ZNF292: variants seen among roughly 807,000 people sequenced by gnomAD.
ZNF292 encodes 16 zinc-finger domain protein.
A neutral mutation model predicts 217.9 loss-of-function variants in ZNF292; 26 were observed. That is an observed-to-expected ratio of 0.12 (90% CI 0.09 to 0.17). ZNF292 has a LOEUF of 0.17. ZNF292 is among the 10% of genes least tolerant of loss of function. ZNF292 has a pLI of 1.00. For synonymous variants in ZNF292, 1,257 were observed against 1,124.1 expected, an observed-to-expected ratio of 1.12 and a Z score of -2.37; for missense variants, 2,904 against 3,175.2, an observed-to-expected ratio of 0.91 and a Z score of 2.05.
chr6:87,194,144 C>G (rs759936815), intron 1 of ZNF292, among the ~76,000 whole-genome samples: 1 of 151,974 alleles, frequency 6.6e-6, no homozygotes, highest in African/African-American at 2.4e-5. Flanking sequence ...GCACAGCTAT[C>G]AGAATGAATT....
At chr6:87,247,293 G>GTGCATGCATGCATGCGTGCA (rs1774650739) in intron 7 of ZNF292, among the ~76,000 whole-genome samples, 1 of 149,140 alleles carries the variant, frequency 6.7e-6, no homozygotes, top group African/African-American at 2.5e-5. Flanking sequence ...GCGCACGCAC[G>GTGCATGCATGCATGCGTGCA]TGCATGCATG....
At chr6:87,239,552 C>G (rs567768702) in intron 5 of ZNF292, among the ~76,000 whole-genome samples, 6 of 78,482 alleles carry the variant, frequency 7.6e-5, no homozygotes, top group Admixed American at 3.5e-4. Context: ...ACCTCCCGGA[C>G]AGGGCGGCTG....
chr6:87,225,570 T>G (rs1167545313), intron 4 of ZNF292, among the ~76,000 whole-genome samples: 1 of 152,214 alleles, frequency 6.6e-6, no homozygotes, highest in African/African-American at 2.4e-5. Flanking sequence ...TTATGTTTAG[T>G]GAATTCATCT....
At chr6:87,185,111 C>T (rs1040922132) in intron 1 of ZNF292, among the ~76,000 whole-genome samples, 1 of 152,136 alleles carries the variant, frequency 6.6e-6, no homozygotes, top group African/African-American at 2.4e-5. Flanking sequence ...AAAATTAAGT[C>T]CATAAGTCTA....
At chr6:87,241,066 C>T (rs969704450) in intron 5 of ZNF292, among the ~76,000 whole-genome samples, 1 of 152,256 alleles carries the variant, frequency 6.6e-6, no homozygotes, top group East Asian at 1.9e-4. Flanking sequence ...AGGTGGATCA[C>T]GAGGTCAGGA....
intron 1 of ZNF292, among the ~76,000 whole-genome samples, chr6:87,193,395 T>G (rs1455141363): frequency 6.6e-6 from 1 of 151,836 alleles, no homozygotes; most frequent in Non-Finnish European, 1.5e-5. Flanking sequence ...AATTCAAAAA[T>G]TAGCCAGGCA....
chr6:87,239,290 C>T (rs556976104), intron 5 of ZNF292, among the ~76,000 whole-genome samples: 6 of 151,252 alleles, frequency 4.0e-5, no homozygotes, highest in South Asian at 4.2e-4. Flanking sequence ...CCGGACGGGG[C>T]GCCAGCTGGG....
At chr6:87,159,640 T>C (rs1770663276) in intron 1 of ZNF292, among the ~76,000 whole-genome samples, 1 of 152,018 alleles carries the variant, frequency 6.6e-6, no homozygotes, top group Non-Finnish European at 1.5e-5. Flanking sequence ...GTAGCTGGGA[T>C]TACAGGCATG....
Position 87,260,181 on chromosome 6 carries a change from A to G in ZNF292, c.6552A>G (p.Gln2184=), listed in dbSNP as rs1775486919. ...CQVSDCSRIF[Q]AITGLIQHYM... ...TAAGTGACTGTTCTCGAATTTTCCA[A>G]GCAATTACTGGCCTAATACAACACT... is the stretch of plus-strand genomic sequence containing the variant. Residue 2184 remains glutamine (Q), a synonymous_variant, in exon 8 of 8, where the codon CAA becomes CAG. Coordinates refer to ENST00000369577, the MANE Select transcript of ZNF292 (RefSeq NM_015021.3). 1.2e-6 allele frequency: 2 copies of G among 1,612,718 alleles called. No homozygotes were observed. The highest frequency in any genetic ancestry group is 1.3e-5 in the African/African-American group (1 of 74,886).
rs184839913 is a variant in ZNF292 at position 87,243,604 on chromosome 6, T to G, written c.871T>G (p.Cys291Gly). 1.6e-3 allele frequency: 2,363 copies of G among 1,480,612 alleles called. 7 individuals are homozygous for G. Among genetic ancestry groups the G allele is most frequent in the Non-Finnish European group, 2.0e-3 (2,207 of 1,117,314 alleles). The allele number at this position is 1,480,612 out of a possible 1,614,324, so 91.7% of individuals were successfully genotyped here. The change falls in exon 6 of 8, where the codon TGC (cysteine) becomes GGC (glycine). Residue 291 changes from cysteine to glycine, a missense_variant. By Grantham distance (159) the Cys-to-Gly change is radical (BLOSUM62 -3). Coordinates refer to ENST00000369577, the MANE Select transcript of ZNF292 (RefSeq NM_015021.3). ...TCAGCTCCAACAAGGAGATATGTACTGCGCTTGGTGAGTTGATCTTTTTTT... is the reference window on the plus strand; with the variant it reads ...TCAGCTCCAACAAGGAGATATGTACGGCGCTTGGTGAGTTGATCTTTTTTT... Reference protein sequence around the residue: ...SRQLQQGDMYCAWELTLFWSK... With the variant: ...SRQLQQGDMYGAWELTLFWSK...
At chr6:87,247,793 T>G (rs1774679924) in intron 7 of ZNF292, among the ~76,000 whole-genome samples, 1 of 152,222 alleles carries the variant, frequency 6.6e-6, no homozygotes, top group Non-Finnish European at 1.5e-5. Context: ...AGGAAGTATA[T>G]GTATTTAAAC....
intron 1 of ZNF292, among the ~76,000 whole-genome samples, chr6:87,200,286 T>G (rs894520243): frequency 6.6e-6 from 1 of 152,182 alleles, no homozygotes. Context: ...ACAGACATAC[T>G]GTGTTAGTGT....
intron 1 of ZNF292, among the ~76,000 whole-genome samples, chr6:87,200,333 A>G (rs1310244373): frequency 2.0e-5 from 3 of 152,234 alleles, no homozygotes; most frequent in African/African-American, 7.2e-5. Flanking sequence ...AATACTGTGG[A>G]GACTAAGCTG....
At chr6:87,170,436 C>G (rs1162878704) in intron 1 of ZNF292, 1 of 152,144 alleles carries the variant, frequency 6.6e-6, no homozygotes, top group Non-Finnish European at 1.5e-5. Context: ...CATAAAACTG[C>G]TTCTTTAGTA....
chr6:87,242,134 T>C (rs1168257252), intron 5 of ZNF292, among the ~76,000 whole-genome samples: 1 of 152,232 alleles, frequency 6.6e-6, no homozygotes, highest in Non-Finnish European at 1.5e-5. Flanking sequence ...AAATCTTTAC[T>C]TTATAAATAT....
chr6:87,155,574 A>G lies in ZNF292; in HGVS notation c.-18A>G, dbSNP rs763292260. 5.7e-6 allele frequency: 9 copies of G among 1,569,566 alleles called. No homozygotes were observed. The highest frequency in any genetic ancestry group is 6.9e-6 in the Non-Finnish European group (8 of 1,158,220). On this transcript the variant is annotated 5_prime_UTR_variant, in exon 1 of 8. Transcript: ENST00000369577. Reference sequence around the variant, plus strand: ...ATCACGTGACCCAGGTGCGTACGCGACGGAGCGGGGTGTGAAGATGGCGGA... The same window carrying G: ...ATCACGTGACCCAGGTGCGTACGCGGCGGAGCGGGGTGTGAAGATGGCGGA...
intron 5 of ZNF292, among the ~76,000 whole-genome samples, chr6:87,235,766 C>T (rs1375137544): frequency 6.6e-6 from 1 of 152,054 alleles, no homozygotes; most frequent in Non-Finnish European, 1.5e-5. Flanking sequence ...CCCCACTTCT[C>T]ATGTTAAGCA....
rs10488046 is a variant in ZNF292 at position 87,219,430 on chromosome 6, G to A, written c.538+699G>A. ...TGTAATATATCTAATGGAAAAGCAT[G>A]TATTTACCACTGTAAGCTTCTTCCG... On this transcript the variant is annotated intron_variant, in intron 4 of 7. Coordinates refer to ENST00000369577, the MANE Select transcript of ZNF292 (RefSeq NM_015021.3). 7.1e-3 allele frequency among the ~76,000 whole-genome samples: 1,077 copies of A among 152,268 alleles called. 18 individuals carry two copies. The highest frequency in any genetic ancestry group is 0.024 in the African/African-American group (978 of 41,556).
At chr6:87,227,277 T>A (rs2127816799) in intron 4 of ZNF292, among the ~76,000 whole-genome samples, 1 of 152,308 alleles carries the variant, frequency 6.6e-6, no homozygotes, top group African/African-American at 2.4e-5. Context: ...AGGTTTTAGA[T>A]AGACCAGTGC....
Sources: gnomAD v4.1 joint callset for allele counts (sites outside exome capture counted in the v4.1 genomes callset) on GRCh38, gnomAD v4.1.1 for gene constraint, MANE v1.5 for transcripts, NCBI Gene and HGNC (gene_info 2026-07-23, HGNC 2026-07-21) for gene names.